STIP1: variants seen among roughly 807,000 people sequenced by gnomAD.
STIP1 encodes stress induced phosphoprotein 1, also known as stress-induced-phosphoprotein 1.
A neutral mutation model predicts 77.4 loss-of-function variants in STIP1; 16 were observed. The observed-to-expected ratio is 0.21, with a 90% CI of 0.14 to 0.31. STIP1 has a LOEUF of 0.31. Ranked by LOEUF, STIP1 falls within the 10% of genes least tolerant of loss-of-function variation. STIP1 has a pLI of 1.00. For missense variants in STIP1, 524 were observed against 684.8 expected (o/e 0.77, Z 2.62); for synonymous variants, 258 against 246.6 (o/e 1.05, Z -0.44).
chr11:64,189,713 C>T (rs758411858), intron 1 of STIP1, among the ~76,000 whole-genome samples: 1 of 152,152 alleles, frequency 6.6e-6, no homozygotes, highest in Non-Finnish European at 1.5e-5. Flanking sequence ...CCCATTTGGT[C>T]TCTTAAAATG....
intron 1 of STIP1, among the ~76,000 whole-genome samples, chr11:64,187,828 CGTCTCTACTA>C (rs778816510): frequency 1.4e-4 from 22 of 151,856 alleles, no homozygotes; most frequent in Non-Finnish European, 3.1e-4. Flanking sequence ...AGTGAAACCC[CGTCTCTACTA>C]AAAATACAGA....
Position 64,194,574 on chromosome 11 carries a change from C to G in STIP1, c.457C>G (p.Arg153Gly). ...TRTLLSDPTY[R>G]ELIEQLRNKP... ...GACACTACTCAGTGATCCTACCTAC[C>G]GGGAGCTGATAGAGCAGCTACGAAA... The change falls in exon 4 of 14, where the codon CGG (arginine) becomes GGG (glycine). Residue 153 changes from arginine (R) to glycine (G), a missense_variant. Transcript: ENST00000305218. The G allele has an allele frequency of 6.2e-7, 1 of 1,614,158 alleles. No homozygotes were observed. The highest frequency in any genetic ancestry group is 8.5e-7 in the Non-Finnish European group (1 of 1,180,022).
upstream of STIP1, chr11:64,185,679 G>T (rs1946003049): frequency 3.4e-6 from 4 of 1,161,368 alleles, no homozygotes; most frequent in Non-Finnish European, 4.7e-6. Flanking sequence ...CACAGCTACA[G>T]ACCCCGACTG....
Position 64,203,153 on chromosome 11 carries a change from G to A in STIP1, c.1311G>A (p.Ala437=), listed in dbSNP as rs2070232. 111,190 of 1,614,122 alleles carry A rather than the reference G, an allele frequency of 0.069. 4,515 individuals are homozygous for A. Among genetic ancestry groups the A allele is most frequent in the Admixed American group, 0.14 (8,615 of 60,022 alleles). The change falls in exon 12 of 14, where the codon GCG becomes GCA. Residue 437 remains alanine (A), a synonymous_variant. Coordinates refer to ENST00000305218, the MANE Select transcript of STIP1 (RefSeq NM_006819.3). ...AGGGTTATACACGGAAAGCCGCTGC[G>A]CTGGAAGCGATGAAGGACTACACCA... ...FIKGYTRKAA[A]LEAMKDYTKA...
At chr11:64,198,087 C>G in intron 8 of STIP1, 113 bp downstream of exon 8, 1 of 1,382,202 alleles carries the variant, frequency 7.2e-7, no homozygotes, top group Non-Finnish European at 9.7e-7. Flanking sequence ...GAGATAGGGT[C>G]TCACTCTTTC....
rs922709037 is a variant in STIP1, at chr11:64,191,451, C to T, written c.10-1627C>T. Among the ~76,000 whole-genome samples the T allele has an allele frequency of 4.0e-5, 6 of 150,980 alleles. No homozygotes were observed. In the South Asian group the frequency reaches 1.3e-3, roughly 32 times the overall value. On this transcript the variant is annotated intron_variant, in intron 1 of 13. Transcript: ENST00000305218. ...TGAAACTCCATCTCTACTAAAAATA[C>T]AAAAATTAGCTGGGCGTGGTGGCGG...
At chr11:64,191,752 CCTCA>C (rs1324596664) in intron 1 of STIP1, among the ~76,000 whole-genome samples, 1 of 151,568 alleles carries the variant, frequency 6.6e-6, no homozygotes, top group Non-Finnish European at 1.5e-5. Context: ...CCAAGGCCTG[CCTCA>C]CTTTTTTTTT....
chr11:64,200,205 C>T lies in STIP1; in HGVS notation c.1157C>T (p.Ala386Val). The T allele has an allele frequency of 6.2e-7, 1 of 1,614,044 alleles. No individual in the cohort carries two copies. The highest frequency in any genetic ancestry group is 8.5e-7 in the Non-Finnish European group (1 of 1,179,980). The part of the protein sequence containing the change: ...YPQAMKHYTE[A>V]IKRNPKDAKL... ...CAGGCCATGAAGCATTATACAGAAG[C>T]CATCAAAAGGAACCCGAAAGATGCC... The change falls in exon 10 of 14, where the codon GCC becomes GTC. Residue 386 changes from alanine (A) to valine (V), a missense_variant. Coordinates refer to ENST00000305218, the MANE Select transcript of STIP1 (RefSeq NM_006819.3).
intron 1 of STIP1, among the ~76,000 whole-genome samples, chr11:64,191,868 G>A (rs1373491067): frequency 2.6e-5 from 4 of 152,020 alleles, no homozygotes; most frequent in African/African-American, 9.7e-5. Flanking sequence ...GGGTTGCACA[G>A]TGGCCCAACA....
upstream of STIP1, chr11:64,186,120 A>G (rs559350317): frequency 6.4e-7 from 1 of 1,550,782 alleles, no homozygotes; most frequent in South Asian, 1.2e-5. Flanking sequence ...TCCCCCTAGA[A>G]GAACTCGACC....
chr11:64,193,512 G>C, intron 2 of STIP1: 1 of 531,232 alleles, frequency 1.9e-6, no homozygotes, highest in Non-Finnish European at 3.4e-6. Context: ...GGCTGGGCGC[G>C]GTGACGCACG....
At chr11:64,203,098 A>G (rs934118259) in intron 11 of STIP1, 27 bp from the exon 12 acceptor site, 8 of 1,613,776 alleles carry the variant, frequency 5.0e-6, no homozygotes, top group Non-Finnish European at 5.1e-6. Context: ...CTGCGGTTGG[A>G]TAACGCGCCA....
At chr11:64,203,273 C>T (rs1299811243) in intron 12 of STIP1, 45 bp downstream of exon 12, 1 of 1,604,788 alleles carries the variant, frequency 6.2e-7, no homozygotes, top group Non-Finnish European at 8.5e-7. Flanking sequence ...GCCTCTTTCT[C>T]TGTTGGGGCT....
chr11:64,186,042 C>A (rs982616214), upstream of STIP1: 45 of 1,545,764 alleles, frequency 2.9e-5, no homozygotes, highest in African/African-American at 5.6e-4. Context: ...TTACTCCCCG[C>A]TGTCCAATGA....
At chr11:64,204,014 A>C (rs770403044) in intron 13 of STIP1, 40 bp from the exon 14 acceptor site, 8 of 1,607,376 alleles carry the variant, frequency 5.0e-6, no homozygotes, top group Non-Finnish European at 6.8e-6. Context: ...TAAGACTTTA[A>C]AGGTTGTCTC....
intron 1 of STIP1, among the ~76,000 whole-genome samples, chr11:64,192,203 A>G (rs1203244895): frequency 6.6e-6 from 1 of 152,146 alleles, no homozygotes; most frequent in African/African-American, 2.4e-5. Flanking sequence ...AGTCCCAGCT[A>G]CTTGGGAGGC....
chr11:64,185,647 G>A (rs969468322), upstream of STIP1: 49 of 826,682 alleles, frequency 5.9e-5, no homozygotes, highest in Admixed American at 4.7e-4. Flanking sequence ...AAGCAACCCA[G>A]AGGCCCCGCA....
intron 1 of STIP1, among the ~76,000 whole-genome samples, 198 bp from the exon 2 acceptor site, chr11:64,192,880 T>G (rs1946108095): frequency 6.6e-6 from 1 of 152,208 alleles, no homozygotes; most frequent in Non-Finnish European, 1.5e-5. Context: ...CCTGGGCTCT[T>G]TGCCCCTGCT....
At chr11:64,201,294 G>A (rs1946217454) in intron 10 of STIP1, among the ~76,000 whole-genome samples, 1 of 152,172 alleles carries the variant, frequency 6.6e-6, no homozygotes. Flanking sequence ...TCCTGCCTTG[G>A]ACTCCCAAAG....
Sources: gnomAD v4.1 joint callset for allele counts (sites outside exome capture counted in the v4.1 genomes callset) on GRCh38, gnomAD v4.1.1 for gene constraint, MANE v1.5 for transcripts, NCBI Gene and HGNC (gene_info 2026-07-23, HGNC 2026-07-21) for gene names.